SECISBP2L: variants seen among roughly 807,000 people sequenced by gnomAD.
SECISBP2L encodes selenocysteine insertion sequence-binding protein 2-like.
A neutral mutation model predicts 114.7 loss-of-function variants in SECISBP2L; 43 were observed. That is an observed-to-expected ratio of 0.38 (90% confidence interval 0.29 to 0.48). The LOEUF is 0.48. SECISBP2L is among the 20% of genes least tolerant of loss of function. The probability of loss-of-function intolerance (pLI) is 0.98; values close to 1 mark genes in which losing one functional copy is unlikely to be tolerated. For synonymous variants in SECISBP2L, 451 were observed against 439.7 expected, an observed-to-expected ratio of 1.03 and a Z score of -0.32; for missense variants, 1,136 against 1,301.1, an observed-to-expected ratio of 0.87 and a Z score of 1.95.
At chr15:49,029,933 T>C (rs532532337) in intron 4 of SECISBP2L, among the ~76,000 whole-genome samples, 59 of 151,906 alleles carry the variant, frequency 3.9e-4, no homozygotes, top group Non-Finnish European at 6.8e-4. Flanking sequence ...CACAGTGTTT[T>C]CCCTTCTGAG....
intron 1 of SECISBP2L, among the ~76,000 whole-genome samples, chr15:49,039,500 A>T (rs553194539): frequency 6.6e-6 from 1 of 152,014 alleles, no homozygotes; most frequent in African/African-American, 2.4e-5. Flanking sequence ...CTAAAAATGT[A>T]ATTTTTAGGA....
Position 49,001,052 on chromosome 15 carries a change from A to T in SECISBP2L, c.2073T>A (p.Thr691=). 1 of 1,613,640 alleles carries T rather than the reference A, an allele frequency of 6.2e-7. No homozygotes were observed. The highest frequency in any genetic ancestry group is 8.5e-7 in the Non-Finnish European group (1 of 1,179,810). Residue 691 remains threonine (T), a synonymous_variant, in exon 15 of 18, where the codon ACT becomes ACA. Transcript: ENST00000559471. ...VLCKEIDECV[T]LLLQELVSFQ... Reference sequence around the variant, plus strand: ...AACTGACAAGCTCTTGGAGAAGAAGAGTCACACATTCATCAATCTCTTTAC... The same window carrying T: ...AACTGACAAGCTCTTGGAGAAGAAGTGTCACACATTCATCAATCTCTTTAC...
At chr15:49,000,053 T>C (rs1316817474) in intron 15 of SECISBP2L, 66 bp from the exon 16 acceptor site, 7 of 1,544,888 alleles carry the variant, frequency 4.5e-6, no homozygotes, top group Middle Eastern at 1.7e-4. Context: ...GCACACCCGA[T>C]AGCTAAAGCA....
In SECISBP2L at chr15:49,033,013, C is replaced by A. The variant is rs1184646265; in HGVS notation, c.616G>T (p.Asp206Tyr). ...AGAAGCACAATTTTTGATCGACTAT[C>A]AGGACCTGCTGCATTTGTTTCTTTC... is the stretch of plus-strand genomic sequence containing the variant. The part of the protein sequence containing the change: ...TQKETNAAGP[D>Y]SRSKIVLLVD... The change falls in exon 4 of 18, where the codon GAT becomes TAT. Residue 206 changes from aspartate to tyrosine, a missense_variant. Transcript: ENST00000559471. 6.2e-7 allele frequency: 1 copy of A among 1,613,974 alleles called. No individual in the cohort carries two copies. The highest frequency in any genetic ancestry group is 1.3e-5 in the African/African-American group (1 of 74,914).
rs752466722 is a variant in SECISBP2L, at chr15:49,005,560, CTTTTTTTTT to C, written c.2027+3647_2027+3655del. 4.7e-3 allele frequency among the ~76,000 whole-genome samples: 172 copies of C among 36,764 alleles called. 1 individual carries two copies. Among genetic ancestry groups the C allele is most frequent in the African/African-American group, 0.021 (161 of 7,826 alleles). 24.1% of individuals were successfully genotyped at this position (36,764 alleles called of 152,430 possible). A position where few individuals can be genotyped will look rare whatever the true frequency, so the allele number is the denominator to read the frequency against. ...TCAGAGACTAGAATTGCAACCCCTG[CTTTTTTTTT>C]TTTTTTTTTTTTTTTTTTTGCTTTC... On this transcript the variant is annotated intron_variant, in intron 14 of 17. Coordinates refer to ENST00000559471, the MANE Select transcript of SECISBP2L (RefSeq NM_001193489.2).
intron 17 of SECISBP2L, chr15:48,996,155 G>T: frequency 1.9e-6 from 1 of 526,722 alleles, no homozygotes; most frequent in Non-Finnish European, 3.3e-6. Context: ...ATAAAGATTT[G>T]GAACTGTGAT....
rs41324244 is a variant in SECISBP2L, at chr15:49,015,296, G to C, written c.1561+1264C>G. ...TCCCTATTTTTACTCTTAAGTGAGA[G>C]ATTACTGCCACTCTGCCCATCTCAA... On this transcript the variant is annotated intron_variant, in intron 11 of 17. Coordinates refer to ENST00000559471, the MANE Select transcript of SECISBP2L (RefSeq NM_001193489.2). 7.8e-3 allele frequency among the ~76,000 whole-genome samples: 1,189 copies of C among 152,212 alleles called. 25 individuals are homozygous for C. Among genetic ancestry groups the C allele is most frequent in the African/African-American group, 0.027 (1,133 of 41,526 alleles).
chr15:49,021,472 C>A (rs1247413884), intron 7 of SECISBP2L, among the ~76,000 whole-genome samples: 1 of 152,136 alleles, frequency 6.6e-6, no homozygotes, highest in Admixed American at 6.5e-5. Context: ...CTCTCTTAAC[C>A]AGGACACTTA....
intron 15 of SECISBP2L, among the ~76,000 whole-genome samples, chr15:49,000,483 G>T (rs1356652917): frequency 6.6e-6 from 1 of 152,212 alleles, no homozygotes; most frequent in Non-Finnish European, 1.5e-5. Context: ...GCATGATGTA[G>T]TTCAAAGTAC....
chr15:49,013,478 G>A (rs532842881), intron 11 of SECISBP2L, among the ~76,000 whole-genome samples: 13 of 152,238 alleles, frequency 8.5e-5, no homozygotes, highest in South Asian at 2.1e-4. Flanking sequence ...GGTATTTTTA[G>A]TAGAGACAGG....
At chr15:49,024,378 C>T (rs1436171027) in intron 7 of SECISBP2L, among the ~76,000 whole-genome samples, 4 of 151,830 alleles carry the variant, frequency 2.6e-5, no homozygotes, top group African/African-American at 9.7e-5. Context: ...CACCTGTAAT[C>T]CCAGCTACTC....
chr15:49,018,257 T>A (rs1418767246), intron 8 of SECISBP2L, among the ~76,000 whole-genome samples: 2 of 93,612 alleles, frequency 2.1e-5, no homozygotes, highest in Non-Finnish European at 5.6e-5. Flanking sequence ...ATATTATTGA[T>A]TTTTTTTTTT....
At chr15:49,011,934 T>C (rs1291671974) in intron 12 of SECISBP2L, 71 bp from the exon 13 acceptor site, 3 of 1,532,392 alleles carry the variant, frequency 2.0e-6, no homozygotes, top group Non-Finnish European at 9.0e-7. Flanking sequence ...ACAATATACA[T>C]TATAACACAG....
chr15:49,000,391 G>A (rs769893880), intron 15 of SECISBP2L, among the ~76,000 whole-genome samples: 8 of 152,058 alleles, frequency 5.3e-5, no homozygotes, highest in Non-Finnish European at 1.0e-4. Context: ...GATATTCCTC[G>A]CCATGCATAT....
chr15:49,039,584 G>A (rs574592770), intron 1 of SECISBP2L, among the ~76,000 whole-genome samples: 5 of 150,524 alleles, frequency 3.3e-5, no homozygotes, highest in Admixed American at 2.0e-4. Flanking sequence ...GGTGGAGGTG[G>A]GGTGCAGTGG....
Position 49,008,209 on chromosome 15 carries a change from A to T in SECISBP2L, c.2027+1007T>A, listed in dbSNP as rs117984041. 4.6e-3 allele frequency among the ~76,000 whole-genome samples: 707 copies of T among 152,320 alleles called. 1 individual carries two copies. Among genetic ancestry groups the T allele is most frequent in the Non-Finnish European group, 7.0e-3 (479 of 68,024 alleles). ...CTACTTTTATATTATGTAGTGGGAA[A>T]ATCTGTGCCTGTTCTTCTTTAGTGC... On this transcript the variant is annotated intron_variant, in intron 14 of 17. Coordinates refer to ENST00000559471, the MANE Select transcript of SECISBP2L (RefSeq NM_001193489.2).
At position 49,005,420 on chromosome 15, in the gene SECISBP2L, A is replaced by G. The variant is rs377142206; in HGVS notation, c.2027+3796T>C. On this transcript the variant is annotated intron_variant, in intron 14 of 17. Transcript: ENST00000559471. ...GCTTTATGAATCTGGGTGCTCTTGT[A>G]TTGGGTGCATATACATTTGGGATAG... is the stretch of plus-strand genomic sequence containing the variant. 6.0e-4 allele frequency among the ~76,000 whole-genome samples: 91 copies of G among 152,230 alleles called. 2 individuals carry two copies. In the South Asian group the frequency reaches 8.7e-3, roughly 15 times the overall value.
chr15:49,005,278 C>T (rs984917631), intron 14 of SECISBP2L, among the ~76,000 whole-genome samples: 8 of 152,076 alleles, frequency 5.3e-5, no homozygotes, highest in Non-Finnish European at 5.9e-5. Flanking sequence ...TGCAATAAGC[C>T]GAGATCGCGC....
chr15:49,022,596 C>A (rs368292885), intron 7 of SECISBP2L, among the ~76,000 whole-genome samples: 1 of 151,552 alleles, frequency 6.6e-6, no homozygotes, highest in Non-Finnish European at 1.5e-5. Context: ...AGCAAGACTC[C>A]GTCTCAAAAA....
Sources: gnomAD v4.1 joint callset for allele counts (sites outside exome capture counted in the v4.1 genomes callset) on GRCh38, gnomAD v4.1.1 for gene constraint, MANE v1.5 for transcripts, NCBI Gene and HGNC (gene_info 2026-07-23, HGNC 2026-07-21) for gene names.